The following CDK14 variants were observed in gnomAD, a reference collection of about 807,000 sequenced individuals.
CDK14 encodes cyclin-dependent kinase 14.
In CDK14, 34 loss-of-function variants were observed where a neutral mutation model predicts 60.7. The observed-to-expected ratio is 0.56, with a 90% CI of 0.43 to 0.75. CDK14 has a LOEUF of 0.75. CDK14 is among the 30% of genes least tolerant of loss of function. The pLI, the probability that CDK14 is intolerant of heterozygous loss-of-function variation, is 0.00. For missense variants in CDK14, 482 were observed against 564.1 expected, an observed-to-expected ratio of 0.85 and a Z score of 1.47; for synonymous variants, 197 against 203.7, an observed-to-expected ratio of 0.97 and a Z score of 0.28.
chr7:91,092,819 G>C (rs1322028282), intron 12 of CDK14, among the ~76,000 whole-genome samples: 1 of 152,156 alleles, frequency 6.6e-6, no homozygotes, highest in Non-Finnish European at 1.5e-5. Flanking sequence ...CTGCAGATTT[G>C]TTGTTAAAAG....
chr7:91,121,382 T>A (rs765994132), intron 14 of CDK14, among the ~76,000 whole-genome samples: 3 of 151,838 alleles, frequency 2.0e-5, no homozygotes, highest in Non-Finnish European at 2.9e-5. Flanking sequence ...CTTTGGGGAG[T>A]TACAAGGAGG....
chr7:91,027,930 C>T (rs1249980037), intron 10 of CDK14, among the ~76,000 whole-genome samples: 1 of 70,656 alleles, frequency 1.4e-5, no homozygotes, highest in Non-Finnish European at 2.7e-5. Flanking sequence ...CCCCTCCCCT[C>T]CGCTCCCCTC....
At chr7:90,626,144 C>T (rs1022237152) in intron 2 of CDK14, among the ~76,000 whole-genome samples, 35 of 152,162 alleles carry the variant, frequency 2.3e-4, no homozygotes, top group Admixed American at 2.0e-3. Flanking sequence ...TACTTAGAGG[C>T]GGGAAGGTTT....
intron 6 of CDK14, among the ~76,000 whole-genome samples, chr7:90,894,763 A>G (rs1792242450): frequency 6.6e-6 from 1 of 152,232 alleles, no homozygotes. Flanking sequence ...TGCCATATAT[A>G]TAACACCATA....
At chr7:90,900,049 T>A (rs1792454633) in intron 7 of CDK14, among the ~76,000 whole-genome samples, 1 of 152,180 alleles carries the variant, frequency 6.6e-6, no homozygotes, top group Non-Finnish European at 1.5e-5. Flanking sequence ...GTATTTGAAG[T>A]AAACTTATTC....
At chr7:91,067,605 A>G (rs775237538) in intron 11 of CDK14, among the ~76,000 whole-genome samples, 3 of 152,234 alleles carry the variant, frequency 2.0e-5, no homozygotes, top group Non-Finnish European at 4.4e-5. Flanking sequence ...TTATGTGCCC[A>G]TTGCCCAATG....
At chr7:90,773,719 G>C (rs1051398774) in intron 4 of CDK14, among the ~76,000 whole-genome samples, 1 of 151,952 alleles carries the variant, frequency 6.6e-6, no homozygotes, top group Non-Finnish European at 1.5e-5. Flanking sequence ...TTTATTGACT[G>C]TGTATAAAAC....
intron 9 of CDK14, among the ~76,000 whole-genome samples, chr7:90,957,984 A>T (rs1207496276): frequency 6.6e-6 from 1 of 152,154 alleles, no homozygotes. Flanking sequence ...TTATGCCCCC[A>T]TATGTAGAAT....
intron 2 of CDK14, among the ~76,000 whole-genome samples, chr7:90,634,111 T>TTGTG (rs1554423736): frequency 6.6e-6 from 1 of 151,684 alleles, no homozygotes; most frequent in African/African-American, 2.4e-5. Context: ...AATTGAGTCT[T>TTGTG]TTTGTTTCTT....
At chr7:90,649,138 C>T (rs997796524) in intron 2 of CDK14, among the ~76,000 whole-genome samples, 2 of 152,140 alleles carry the variant, frequency 1.3e-5, no homozygotes, top group Admixed American at 6.6e-5. Flanking sequence ...GTAGGAGACA[C>T]TGGTGGAGAA....
At chr7:91,154,804 G>T (rs995082427) in intron 14 of CDK14, among the ~76,000 whole-genome samples, 1 of 152,000 alleles carries the variant, frequency 6.6e-6, no homozygotes, top group Non-Finnish European at 1.5e-5. Context: ...TGAGAGCCTG[G>T]GTCAAATTAA....
chr7:91,102,652 A>G (rs10273410), intron 12 of CDK14, among the ~76,000 whole-genome samples: 2,060 of 151,962 alleles, frequency 0.014, 49 homozygotes, highest in African/African-American at 0.047. Context: ...ACAAACATCC[A>G]TGCAGTCCTA....
chr7:91,196,462 G>T (rs1399585535), intron 14 of CDK14, among the ~76,000 whole-genome samples: 1 of 152,198 alleles, frequency 6.6e-6, no homozygotes, highest in African/African-American at 2.4e-5. Flanking sequence ...AATGTTTCCT[G>T]AATTGATTTA....
At chr7:91,170,315 G>A (rs1474722602) in intron 14 of CDK14, among the ~76,000 whole-genome samples, 1 of 152,056 alleles carries the variant, frequency 6.6e-6, no homozygotes, top group Non-Finnish European at 1.5e-5. Flanking sequence ...TTCCCTACAT[G>A]CTAATTTTAT....
intron 10 of CDK14, among the ~76,000 whole-genome samples, chr7:91,024,659 A>T (rs965830960): frequency 6.6e-6 from 1 of 152,214 alleles, no homozygotes; most frequent in Non-Finnish European, 1.5e-5. Context: ...TCAAAAATAA[A>T]TAACTAAACA....
chr7:91,062,208 G>A (rs554010969), intron 11 of CDK14, among the ~76,000 whole-genome samples: 8 of 152,298 alleles, frequency 5.3e-5, no homozygotes, highest in African/African-American at 1.9e-4. Flanking sequence ...CCAGGTGTGG[G>A]ATACAATGTC....
chr7:90,940,818 T>C (rs1793904112), intron 8 of CDK14, among the ~76,000 whole-genome samples: 1 of 152,088 alleles, frequency 6.6e-6, no homozygotes, highest in Admixed American at 6.6e-5. Flanking sequence ...TCTATATCTG[T>C]ATTTATATCA....
intron 14 of CDK14, among the ~76,000 whole-genome samples, chr7:91,160,430 A>G (rs1801132928): frequency 6.6e-6 from 1 of 152,184 alleles, no homozygotes; most frequent in African/African-American, 2.4e-5. Flanking sequence ...AGTTTTACCC[A>G]GACTTAAAGA....
chr7:90,897,804 C>T (rs1056805917), intron 6 of CDK14, among the ~76,000 whole-genome samples: 1 of 152,028 alleles, frequency 6.6e-6, no homozygotes, highest in African/African-American at 2.4e-5. Context: ...GTGTGCTATC[C>T]TATACATAAA....
Sources: allele counts gnomAD v4.1 joint callset (sites outside exome capture counted in the v4.1 genomes callset), GRCh38; gene constraint gnomAD v4.1.1; transcripts MANE v1.5; gene names NCBI Gene and HGNC (gene_info 2026-07-23, HGNC 2026-07-21).